The following SPTBN1 variants were observed in gnomAD, a reference collection of about 807,000 sequenced individuals.
The protein encoded by SPTBN1 is spectrin beta, non-erythrocytic 1.
SPTBN1 carries 32 observed loss-of-function variants against 266.4 expected under a neutral mutation model. The ratio of observed to expected loss-of-function variants is 0.12; its 90% CI spans 0.09 to 0.16. SPTBN1 has a LOEUF of 0.16. Ranked by LOEUF, SPTBN1 falls within the 10% of genes least tolerant of loss-of-function variation. SPTBN1 has a pLI of 1.00. For missense variants in SPTBN1, 2,296 were observed against 3,067.1 expected (o/e 0.75, Z 5.94); for synonymous variants, 1,336 against 1,162.2 (o/e 1.15, Z -3.04).
intron 17 of SPTBN1, among the ~76,000 whole-genome samples, chr2:54,635,980 G>A (rs1041600409): frequency 3.9e-5 from 6 of 152,076 alleles, no homozygotes; most frequent in Non-Finnish European, 1.5e-5. Context: ...ATGATAGATG[G>A]CAATGGCATA....
At chr2:54,660,964 A>G (rs1681000970) in intron 32 of SPTBN1, 1 of 985,392 alleles carries the variant, frequency 1.0e-6, no homozygotes, top group Non-Finnish European at 1.2e-6. Flanking sequence ...TAATTTTTCA[A>G]ACAAATGGAA....
At chr2:54,467,403 C>T (rs7573679) in intron 1 of SPTBN1, among the ~76,000 whole-genome samples, 34,398 of 151,890 alleles carry the variant, frequency 0.23, 4,287 homozygotes, top group African/African-American at 0.33. Flanking sequence ...TTTGTTGTTG[C>T]TGTTGTTGGA....
At chr2:54,572,981 G>T (rs1021582865) in intron 2 of SPTBN1, among the ~76,000 whole-genome samples, 14 of 152,148 alleles carry the variant, frequency 9.2e-5, no homozygotes, top group Non-Finnish European at 1.5e-5. Flanking sequence ...TTGCCACAGC[G>T]TGCTGGGAAT....
Position 54,626,309 on chromosome 2 carries a change from AC to A in SPTBN1, c.1644+79del, listed in dbSNP as rs970786464. Reference sequence around the variant, plus strand: ...CTCTTTTCTGTGACTCATTCACTAAACCCCTACGTACAGCTGTGTGCCTTGT... The same window carrying A: ...CTCTTTTCTGTGACTCATTCACTAAACCCTACGTACAGCTGTGTGCCTTGT... On this transcript the variant is annotated intron_variant, in intron 12 of 35. Coordinates refer to ENST00000356805, the MANE Select transcript of SPTBN1 (RefSeq NM_003128.3). The surrounding 1 kb of genome is among the most constrained non-coding windows in gnomAD (Gnocchi z 4.7). 27 of 1,495,014 alleles carry A rather than the reference AC, an allele frequency of 1.8e-5. No homozygotes were observed. In the African/African-American group the frequency reaches 3.6e-4, roughly 20 times the overall value. The allele number at this position is 1,495,014 out of a possible 1,614,324, so 92.6% of individuals were successfully genotyped here. A position where few individuals can be genotyped will look rare whatever the true frequency, so the allele number is the denominator to read the frequency against.
Position 54,622,400 on chromosome 2 carries a change from A to C in SPTBN1, c.977A>C (p.Asn326Thr). Reference sequence around the variant, plus strand: ...ATTGAACAAACCATCATCATTCTGAACAATCGCAAATTTGCCAATTCACTG... The same window carrying C: ...ATTGAACAAACCATCATCATTCTGACCAATCGCAAATTTGCCAATTCACTG... The part of the protein sequence containing the change: ...EWIEQTIIIL[N>T]NRKFANSLVG... The change falls in exon 9 of 36, where the codon AAC becomes ACC. Residue 326 changes from asparagine to threonine, a missense_variant. Physicochemically the swap from Asn to Thr is moderately conservative, Grantham distance 65 (BLOSUM62 0). This residue lies in a region of SPTBN1 where 148 missense variants were observed against 203.8 expected (regional missense o/e 0.73). Coordinates refer to ENST00000356805, the MANE Select transcript of SPTBN1 (RefSeq NM_003128.3). 1 of 1,614,228 alleles carries C rather than the reference A, an allele frequency of 6.2e-7. No individual in the cohort carries two copies. Among genetic ancestry groups the C allele is most frequent in the Non-Finnish European group, 8.5e-7 (1 of 1,180,038 alleles).
intron 2 of SPTBN1, among the ~76,000 whole-genome samples, chr2:54,580,189 A>C (rs1465828661): frequency 1.3e-5 from 2 of 152,218 alleles, no homozygotes; most frequent in African/African-American, 4.8e-5. Context: ...GTGGCTGTGA[A>C]GCTGTTTCTT....
At chr2:54,471,559 C>G (rs914614977) in intron 1 of SPTBN1, among the ~76,000 whole-genome samples, 5 of 150,904 alleles carry the variant, frequency 3.3e-5, no homozygotes, top group Non-Finnish European at 7.4e-5. Flanking sequence ...GCAGCAACAT[C>G]TTACTTGGTT....
chr2:54,485,600 G>T (rs532732368), intron 1 of SPTBN1, among the ~76,000 whole-genome samples: 2 of 152,168 alleles, frequency 1.3e-5, no homozygotes, highest in Non-Finnish European at 2.9e-5. Flanking sequence ...TGCAGCCTCT[G>T]CCCGGCCGCC....
intron 2 of SPTBN1, among the ~76,000 whole-genome samples, chr2:54,536,374 C>A (rs962241310): frequency 2.6e-5 from 4 of 152,146 alleles, no homozygotes; most frequent in Admixed American, 2.6e-4. Context: ...TTTATTTAAC[C>A]TCCATCTTCA....
At chr2:54,588,456 G>A (rs1395032030) in intron 2 of SPTBN1, among the ~76,000 whole-genome samples, 1 of 152,106 alleles carries the variant, frequency 6.6e-6, no homozygotes, top group Non-Finnish European at 1.5e-5. Context: ...TGTGTGGGAT[G>A]GAGTGCCTCA....
chr2:54,571,815 A>G (rs1403108276), intron 2 of SPTBN1, among the ~76,000 whole-genome samples: 2 of 152,224 alleles, frequency 1.3e-5, no homozygotes, highest in African/African-American at 4.8e-5. Context: ...TATGTTTTAA[A>G]GTGATTTAGC....
chr2:54,658,058 C>T lies in SPTBN1; in HGVS notation c.6243+12C>T. 1.9e-6 allele frequency: 3 copies of T among 1,614,148 alleles called. No individual in the cohort carries two copies. The highest frequency in any genetic ancestry group is 2.5e-6 in the Non-Finnish European group (3 of 1,179,998). On this transcript the variant is annotated intron_variant, in intron 30 of 35. Transcript: ENST00000356805. Reference sequence around the variant, plus strand: ...AAAGGCTGACTACAGTAAGTGGCCGCTGGGCCCTTTGTCTGTTGGTGCCCT... The same window carrying T: ...AAAGGCTGACTACAGTAAGTGGCCGTTGGGCCCTTTGTCTGTTGGTGCCCT...
At chr2:54,481,555 T>A in intron 1 of SPTBN1, among the ~76,000 whole-genome samples, 1 of 152,120 alleles carries the variant, frequency 6.6e-6, no homozygotes, top group East Asian at 1.9e-4. Context: ...GTGAAATTAG[T>A]AATGGCAAGT....
At chr2:54,586,957 G>A (rs1369380592) in intron 2 of SPTBN1, among the ~76,000 whole-genome samples, 3 of 152,064 alleles carry the variant, frequency 2.0e-5, no homozygotes, top group African/African-American at 7.2e-5. Flanking sequence ...TTCCCTCTTT[G>A]CCCTTAATTA....
chr2:54,472,797 A>G (rs1693996976), intron 1 of SPTBN1, among the ~76,000 whole-genome samples: 1 of 152,200 alleles, frequency 6.6e-6, no homozygotes, highest in Non-Finnish European at 1.5e-5. Flanking sequence ...ATTTGGGTTA[A>G]TGATTGGAAG....
chr2:54,474,657 AAGC>A (rs1667729848), intron 1 of SPTBN1, among the ~76,000 whole-genome samples: 2 of 152,172 alleles, frequency 1.3e-5, no homozygotes, highest in South Asian at 4.1e-4. Flanking sequence ...TAGGGAGAAA[AAGC>A]AGAACACAAG....
At chr2:54,579,951 A>T (rs4440005) in intron 2 of SPTBN1, among the ~76,000 whole-genome samples, 160 of 152,342 alleles carry the variant, frequency 1.1e-3, no homozygotes, top group African/African-American at 3.5e-3. Context: ...TTCTGAGGGT[A>T]AAAGCTGCTG....
intron 2 of SPTBN1, among the ~76,000 whole-genome samples, chr2:54,591,831 C>T (rs904572304): frequency 1.3e-5 from 2 of 152,212 alleles, no homozygotes; most frequent in Non-Finnish European, 2.9e-5. Flanking sequence ...ACTTGACTCA[C>T]GCTAACACAG....
At chr2:54,504,140 G>A (rs1451750753) in intron 1 of SPTBN1, among the ~76,000 whole-genome samples, 3 of 152,196 alleles carry the variant, frequency 2.0e-5, no homozygotes, top group Non-Finnish European at 2.9e-5. Context: ...AAAAGTAAGG[G>A]AGTAATTTGT....
Sources: gnomAD v4.1 joint callset for allele counts (sites outside exome capture counted in the v4.1 genomes callset) on GRCh38, gnomAD v4.1.1 for gene constraint, gnomAD v4.1.1 regional missense constraint, Gnocchi (gnomAD v3.1) non-coding constraint, MANE v1.5 for transcripts, NCBI Gene and HGNC (gene_info 2026-07-23, HGNC 2026-07-21) for gene names.